ZNG1A: variants seen among roughly 807,000 people sequenced by gnomAD.
ZNG1A encodes the protein zinc-regulated GTPase metalloprotein activator 1A.
At chr9:128,039 G>A in the ZNG1A span, among the ~76,000 whole-genome samples, 1 of 152,036 alleles carries the variant, frequency 6.6e-6, no homozygotes, top group African/African-American at 2.4e-5. Flanking sequence ...GGCTTGCAGG[G>A]TTTCTGCTGA....
the ZNG1A span, among the ~76,000 whole-genome samples, chr9:138,810 G>A: frequency 2.0e-5 from 3 of 149,170 alleles, 1 homozygote; most frequent in South Asian, 6.4e-4. Flanking sequence ...AGGCTGAGAT[G>A]GGAGGATCAC....
At chr9:177,797 C>G in the ZNG1A span, 1 of 1,522,792 alleles carries the variant, frequency 6.6e-7, no homozygotes, top group Non-Finnish European at 8.9e-7. Flanking sequence ...TGTTCATCTT[C>G]TCAGCAGAGC....
chr9:159,380 T>C, the ZNG1A span, among the ~76,000 whole-genome samples: 2 of 150,986 alleles, frequency 1.3e-5, no homozygotes, highest in African/African-American at 4.9e-5. Flanking sequence ...ATGATGACTG[T>C]AGTTAATTCT....
chr9:143,759 C>T, the ZNG1A span, among the ~76,000 whole-genome samples: 7 of 116,792 alleles, frequency 6.0e-5, no homozygotes, highest in African/African-American at 1.1e-4. Flanking sequence ...CAAATTGTCC[C>T]TGTTTGCAGA....
chr9:147,054 T>G, the ZNG1A span: 1 of 151,086 alleles, frequency 6.6e-6, no homozygotes, highest in African/African-American at 2.5e-5. Context: ...GGCACGCACC[T>G]GTAGTCCCAG....
the ZNG1A span, among the ~76,000 whole-genome samples, chr9:176,695 A>G: frequency 6.6e-6 from 1 of 152,232 alleles, no homozygotes; most frequent in East Asian, 1.9e-4. Context: ...TAGGGCAATG[A>G]GGAAAATCTT....
chr9:150,143 T>C, the ZNG1A span: 3 of 129,958 alleles, frequency 2.3e-5, no homozygotes, highest in Admixed American at 2.3e-4. Flanking sequence ...TTTTTTTTTT[T>C]TGAGACAGAG....
chr9:156,384 A>G, the ZNG1A span: 2 of 1,447,592 alleles, frequency 1.4e-6, no homozygotes, highest in African/African-American at 1.4e-5. Flanking sequence ...TTCCTTGACT[A>G]TGTTTTAAAA....
At chr9:126,778 C>T in the ZNG1A span, among the ~76,000 whole-genome samples, 5 of 151,800 alleles carry the variant, frequency 3.3e-5, no homozygotes, top group African/African-American at 7.3e-5. Flanking sequence ...GAGGTGTGAC[C>T]GTGGATTGTC....
chr9:130,516 T>C, the ZNG1A span, among the ~76,000 whole-genome samples: 1 of 104,434 alleles, frequency 9.6e-6, no homozygotes, highest in Non-Finnish European at 2.0e-5. Context: ...ACTGCAGCTT[T>C]GAACTCCCAA....
the ZNG1A span, among the ~76,000 whole-genome samples, chr9:168,495 G>A: frequency 2.7e-5 from 4 of 150,542 alleles, no homozygotes; most frequent in South Asian, 8.4e-4. Flanking sequence ...CTCGTGAACT[G>A]CCCACCTCGG....
At chr9:159,085 AG>A in the ZNG1A span, among the ~76,000 whole-genome samples, 42 of 151,328 alleles carry the variant, frequency 2.8e-4, no homozygotes, top group Middle Eastern at 3.4e-3. Context: ...AAGTAAATGA[AG>A]AAAAAATTTT....
the ZNG1A span, chr9:156,526 T>G: frequency 9.3e-5 from 149 of 1,595,812 alleles, no homozygotes; most frequent in Admixed American, 2.5e-3. Flanking sequence ...TTCTGTTAAA[T>G]GCTAAACAAA....
chr9:168,190 TAGA>T, the ZNG1A span, among the ~76,000 whole-genome samples: 1 of 125,160 alleles, frequency 8.0e-6, no homozygotes, highest in South Asian at 3.1e-4. Flanking sequence ...GTAAACTACC[TAGA>T]AGATGTAGCT....
chr9:145,450 A>C, the ZNG1A span, among the ~76,000 whole-genome samples: 1 of 150,802 alleles, frequency 6.6e-6, no homozygotes, highest in African/African-American at 2.4e-5. Context: ...TCGCAAGAAC[A>C]AAAAACCAAA....
At chr9:130,040 A>G in the ZNG1A span, among the ~76,000 whole-genome samples, 1 of 151,278 alleles carries the variant, frequency 6.6e-6, no homozygotes, top group Non-Finnish European at 1.5e-5. Context: ...ATAATAACGC[A>G]ATGGTAAGTA....
chr9:128,048 G>A, the ZNG1A span, among the ~76,000 whole-genome samples: 14 of 152,090 alleles, frequency 9.2e-5, no homozygotes, highest in African/African-American at 3.4e-4. Context: ...GGTTTCTGCT[G>A]AGAAATGTGC....
At chr9:127,191 C>A in the ZNG1A span, among the ~76,000 whole-genome samples, 1 of 152,056 alleles carries the variant, frequency 6.6e-6, no homozygotes, top group African/African-American at 2.4e-5. Context: ...TATCTTTTAA[C>A]TCCATTTGTT....
At chr9:139,954 T>C in the ZNG1A span, among the ~76,000 whole-genome samples, 19 of 149,864 alleles carry the variant, frequency 1.3e-4, 2 homozygotes, top group African/African-American at 3.5e-4. Context: ...GCTTTTCCGA[T>C]GGGCTTAAAA....
Sources: gnomAD v4.1 joint callset for allele counts (sites outside exome capture counted in the v4.1 genomes callset) on GRCh38, gnomAD v4.1.1 for gene constraint, MANE v1.5 for transcripts, NCBI Gene and HGNC (gene_info 2026-07-23, HGNC 2026-07-21) for gene names.